Variants in NLRP5 observed in about 807,000 individuals in gnomAD.
The protein encoded by NLRP5 is NLR family pyrin domain containing 5.
In NLRP5, 93 loss-of-function variants were observed where a neutral mutation model predicts 113.1. That is an observed-to-expected ratio of 0.82 (90% CI 0.70 to 0.98). The LOEUF is 0.98. NLRP5 is among the 50% of genes least tolerant of loss of function. The pLI is 0.00. For missense variants in NLRP5, 1,808 were observed against 1,514.3 expected (o/e 1.19, Z -3.22); for synonymous variants, 751 against 600.7 (o/e 1.25, Z -3.66).
At chr19:55,991,212 T>C in the NLRP5 span, among the ~76,000 whole-genome samples, 1 of 152,208 alleles carries the variant, frequency 6.6e-6, no homozygotes, top group African/African-American at 2.4e-5. Flanking sequence ...ATTTGCTCAT[T>C]ATTTGGGGGC....
At chr19:55,999,705 A>G, upstream of NLRP5, 2 of 1,591,246 alleles carry the variant, frequency 1.3e-6, no homozygotes, top group Non-Finnish European at 1.7e-6. Flanking sequence ...ATGTTCAGTT[A>G]CTTTCCATGG....
At chr19:55,988,535 G>T in the NLRP5 span, 1 of 147,180 alleles carries the variant, frequency 6.8e-6, no homozygotes, top group South Asian at 2.1e-4. Flanking sequence ...AGTCTTCATC[G>T]TCTTCTTGCT....
chr19:55,995,941 T>C (rs1229146302), upstream of NLRP5, among the ~76,000 whole-genome samples: 2 of 152,184 alleles, frequency 1.3e-5, no homozygotes, highest in Non-Finnish European at 1.5e-5. Context: ...ATTTATTATA[T>C]AAAAACTTGC....
At chr19:56,028,587 C>A in intron 7 of NLRP5, 78 bp downstream of exon 7, 1 of 1,354,232 alleles carries the variant, frequency 7.4e-7, no homozygotes, top group South Asian at 1.4e-5. Context: ...ACATGACTTC[C>A]AGGAACTTCA....
intron 2 of NLRP5, 68 bp from the exon 3 acceptor site, chr19:56,008,720 C>G (rs1344823266): frequency 7.2e-7 from 1 of 1,396,644 alleles, no homozygotes; most frequent in Non-Finnish European, 1.0e-6. Flanking sequence ...ACGGGACATT[C>G]TTATCCTTGG....
intron 3 of NLRP5, among the ~76,000 whole-genome samples, chr19:56,009,255 A>T (rs1982082859): frequency 7.1e-6 from 1 of 141,824 alleles, no homozygotes; most frequent in Non-Finnish European, 1.5e-5. Flanking sequence ...CAGGAGAATC[A>T]CTTGGACCCG....
At chr19:56,060,907 T>C (rs1189499957) in intron 14 of NLRP5, among the ~76,000 whole-genome samples, 1 of 152,152 alleles carries the variant, frequency 6.6e-6, no homozygotes, top group Non-Finnish European at 1.5e-5. Flanking sequence ...TGTCTCCCCA[T>C]GCTGGCTTCA....
upstream of NLRP5, among the ~76,000 whole-genome samples, chr19:55,998,282 A>G (rs895631976): frequency 6.6e-6 from 1 of 152,170 alleles, no homozygotes; most frequent in African/African-American, 2.4e-5. Flanking sequence ...ACTTGAGCCC[A>G]GGAGTTCAAG....
chr19:55,988,438 G>GTATATATATA, the NLRP5 span: 832 of 91,640 alleles, frequency 9.1e-3, 8 homozygotes, highest in African/African-American at 0.014. Context: ...ATATATATGT[G>GTATATATATA]TGTGTGTATA....
At chr19:56,036,269 A>G (rs1316992164) in intron 9 of NLRP5, among the ~76,000 whole-genome samples, 5 of 151,660 alleles carry the variant, frequency 3.3e-5, no homozygotes, top group Admixed American at 6.6e-5. Context: ...GGGTTTCACC[A>G]GGTTAGCCAG....
chr19:56,010,591 A>AG (rs1440844633), intron 3 of NLRP5, among the ~76,000 whole-genome samples: 3 of 122,710 alleles, frequency 2.4e-5, no homozygotes, highest in African/African-American at 9.0e-5. Context: ...CTAAAAATAC[A>AG]GGAAAAAAAA....
At chr19:56,032,568 A>C in intron 7 of NLRP5, 43 bp from the exon 8 acceptor site, 1 of 1,565,826 alleles carries the variant, frequency 6.4e-7, no homozygotes, top group Non-Finnish European at 8.7e-7. Flanking sequence ...GCTCATGTTA[A>C]ACTCCATCCC....
Position 56,027,339 on chromosome 19 carries a change from CTG to C in NLRP5, c.1108_1109del (p.Val370ProfsTer4). ...ATTGACGGTTTCGATGACCTGGGCTCTGTCCTCAACAATGACACAAAGCTCTG... is the reference window on the plus strand; with the variant it reads ...ATTGACGGTTTCGATGACCTGGGCTCTCCTCAACAATGACACAAAGCTCTG... On this transcript the variant is annotated frameshift_variant, in exon 7 of 15. Transcript: ENST00000390649. LOFTEE classifies it high-confidence loss of function. The C allele has an allele frequency of 6.2e-7, 1 of 1,613,068 alleles. No individual in the cohort carries two copies. Among genetic ancestry groups the C allele is most frequent in the Non-Finnish European group, 8.5e-7 (1 of 1,179,840 alleles).
upstream of NLRP5, among the ~76,000 whole-genome samples, chr19:55,996,289 A>G: frequency 6.6e-6 from 1 of 151,914 alleles, no homozygotes; most frequent in East Asian, 1.9e-4. Flanking sequence ...CATGGCCTTT[A>G]TTGTTCTGAG....
intron 3 of NLRP5, 101 bp downstream of exon 3, chr19:56,008,954 G>A (rs1421800856): frequency 1.0e-6 from 1 of 986,296 alleles, no homozygotes; most frequent in Non-Finnish European, 1.6e-6. Flanking sequence ...ATAGTCTAGT[G>A]TTCTTTCTAG....
intron 1 of NLRP5, among the ~76,000 whole-genome samples, chr19:56,000,375 GTTTT>G (rs1158360611): frequency 6.6e-6 from 1 of 151,400 alleles, no homozygotes; most frequent in South Asian, 2.1e-4. Context: ...TTTTTTGTTT[GTTTT>G]TTTAAGACAG....
rs990069617 is a variant in NLRP5, at chr19:56,042,006, G to A, written c.2957+914G>A. Among the ~76,000 whole-genome samples the A allele has an allele frequency of 4.6e-5, 7 of 151,958 alleles. No individual in the cohort carries two copies. The East Asian group carries it at 9.7e-4, about 21-fold the overall frequency. On this transcript the variant is annotated intron_variant, in intron 11 of 14. Transcript: ENST00000390649. ...AAAAGCACAAAAATCCAACAAACAC[G>A]GCACTAAATACCCTCAAAAAGGACA...
At position 56,028,059 on chromosome 19, in the gene NLRP5, C is replaced by A. The variant is rs1294081949; in HGVS notation, c.1826C>A (p.Pro609His). The change falls in exon 7 of 15, where the codon CCT becomes CAT. Residue 609 changes from proline to histidine, a missense_variant. By Grantham distance (77) the Pro-to-His change is moderately conservative. Transcript: ENST00000390649. ...CTGGAAATCGAGCCAGCTCTCTGCC[C>A]TCTGTACGTTGAGAAGACAAAGAGG... 6.2e-7 allele frequency: 1 copy of A among 1,614,038 alleles called. No homozygotes were observed. The highest frequency in any genetic ancestry group is 8.5e-7 in the Non-Finnish European group (1 of 1,179,894).
At chr19:56,004,651 G>A (rs1981785728) in intron 2 of NLRP5, among the ~76,000 whole-genome samples, 1 of 152,154 alleles carries the variant, frequency 6.6e-6, no homozygotes, top group African/African-American at 2.4e-5. Flanking sequence ...CCGTAGTGCA[G>A]CAAGAATTCG....
Sources: gnomAD v4.1 joint callset for allele counts (sites outside exome capture counted in the v4.1 genomes callset) on GRCh38, gnomAD v4.1.1 for gene constraint, MANE v1.5 for transcripts, NCBI Gene and HGNC (gene_info 2026-07-23, HGNC 2026-07-21) for gene names.